The following WWOX variants were observed in gnomAD, a reference collection of about 807,000 sequenced individuals.
The protein encoded by WWOX is WW domain containing oxidoreductase.
Under a neutral mutation model 46.2 loss-of-function variants are expected in WWOX, and 69 were observed. That is an observed-to-expected ratio of 1.49 (90% confidence interval 1.23 to 1.82). The LOEUF is 1.82. Ranked by LOEUF, WWOX falls within the 40% of genes most tolerant of loss-of-function variation. WWOX has a pLI of 0.00. For missense variants in WWOX, 919 were observed against 542.6 expected, an observed-to-expected ratio of 1.69 and a Z score of -6.89; for synonymous variants, 359 against 202.6, an observed-to-expected ratio of 1.77 and a Z score of -6.56.
chr16:78,175,821 A>G (rs1366767026), intron 5 of WWOX, among the ~76,000 whole-genome samples: 1 of 152,226 alleles, frequency 6.6e-6, no homozygotes, highest in Non-Finnish European at 1.5e-5. Flanking sequence ...GTAGATAACT[A>G]TCACAGGATC....
chr16:78,493,716 G>A (rs909587285), intron 8 of WWOX, among the ~76,000 whole-genome samples: 2 of 152,016 alleles, frequency 1.3e-5, no homozygotes, highest in African/African-American at 2.4e-5. Flanking sequence ...TGGAACCCTC[G>A]CAACAGTCTT....
chr16:78,486,501 C>G (rs2084640739), intron 8 of WWOX, among the ~76,000 whole-genome samples: 1 of 152,178 alleles, frequency 6.6e-6, no homozygotes, highest in South Asian at 2.1e-4. Flanking sequence ...GCAGTGTGCT[C>G]TCTTAAGCCA....
chr16:78,438,584 G>C (rs1242540955), intron 8 of WWOX, among the ~76,000 whole-genome samples: 1 of 152,094 alleles, frequency 6.6e-6, no homozygotes, highest in Non-Finnish European at 1.5e-5. Flanking sequence ...TTGCCTCTTA[G>C]GAGTGTTTTG....
chr16:79,142,558 G>A (rs887633938), intron 8 of WWOX, among the ~76,000 whole-genome samples: 5 of 152,104 alleles, frequency 3.3e-5, no homozygotes, highest in Admixed American at 3.3e-4. Context: ...GATCTTAATT[G>A]TTATTAGAGA....
At chr16:78,790,930 G>A (rs986617212) in intron 8 of WWOX, among the ~76,000 whole-genome samples, 4 of 140,440 alleles carry the variant, frequency 2.8e-5, no homozygotes, top group Non-Finnish European at 4.5e-5. Context: ...GAGGTGGGAG[G>A]ATCACCTGAG....
At chr16:78,505,218 G>C (rs8064066) in intron 8 of WWOX, among the ~76,000 whole-genome samples, 138,852 of 152,238 alleles carry the variant, frequency 0.91, 63,761 homozygotes, top group Non-Finnish European at 0.97. Flanking sequence ...AATTCTAATC[G>C]TCAGCCTCTA....
rs1348582183 is a variant in WWOX, at chr16:78,432,618, C to T, written c.922C>T (p.His308Tyr). 5 of 1,614,096 alleles carry T rather than the reference C, an allele frequency of 3.1e-6. No individual in the cohort carries two copies. The highest frequency in any genetic ancestry group is 2.2e-5 in the East Asian group (1 of 44,898). Residue 308 changes from histidine (H) to tyrosine (Y), a missense_variant, in exon 8 of 9, where the codon CAC becomes TAC. Coordinates refer to ENST00000566780, the MANE Select transcript of WWOX (RefSeq NM_016373.4). Reference sequence around the variant, plus strand: ...CAACATCCTCTTCTCCAACGAGCTGCACCGTCGCCTCTCCCCACGCGGGGT... The same window carrying T: ...CAACATCCTCTTCTCCAACGAGCTGTACCGTCGCCTCTCCCCACGCGGGGT... ...LCNILFSNEL[H>Y]RRLSPRGVTS... is the part of the protein sequence containing the mutation.
rs139070402 is a variant in WWOX, at chr16:78,614,130, A to G, written c.1056+181378A>G. On this transcript the variant is annotated intron_variant, in intron 8 of 8. Coordinates refer to ENST00000566780, the MANE Select transcript of WWOX (RefSeq NM_016373.4). Reference sequence around the variant, plus strand: ...GTAATTAAGCACATGAATATCTCACATCAGAATGAATGAATATTCACACTC... The same window carrying G: ...GTAATTAAGCACATGAATATCTCACGTCAGAATGAATGAATATTCACACTC... 3.1e-3 allele frequency among the ~76,000 whole-genome samples: 472 copies of G among 152,348 alleles called. 3 individuals are homozygous for G. The highest frequency in any genetic ancestry group is 0.011 in the African/African-American group (449 of 41,592).
Position 78,653,528 on chromosome 16 carries a change from C to G in WWOX, c.1056+220776C>G, listed in dbSNP as rs145374784. 2.8e-3 allele frequency among the ~76,000 whole-genome samples: 424 copies of G among 152,298 alleles called. 2 individuals carry two copies. Among genetic ancestry groups the G allele is most frequent in the African/African-American group, 9.7e-3 (404 of 41,578 alleles). ...GGAGGGTGCTTATGAGGAAGGTTTC[C>G]TACTCCTAAAAGAGATACACAGGAA... On this transcript the variant is annotated intron_variant, in intron 8 of 8. Transcript: ENST00000566780.
intron 8 of WWOX, chr16:78,756,860 C>T (rs1198286786): frequency 2.4e-5 from 17 of 700,890 alleles, no homozygotes; most frequent in Non-Finnish European, 3.9e-5. Flanking sequence ...GTATTGCAGA[C>T]ATCAGAGCAT....
intron 8 of WWOX, chr16:78,899,453 T>C (rs540977679): frequency 6.6e-6 from 1 of 152,278 alleles, no homozygotes; most frequent in Non-Finnish European, 1.5e-5. Context: ...AACTGGAAAA[T>C]GTGTACGAAG....
chr16:79,017,398 C>G (rs974196682), intron 8 of WWOX: 6 of 125,802 alleles, frequency 4.8e-5, no homozygotes, highest in East Asian at 2.6e-4. Flanking sequence ...TCACTGCACT[C>G]CAGCCTGGGC....
chr16:78,326,047 A>G (rs2151887739), intron 5 of WWOX, among the ~76,000 whole-genome samples: 1 of 152,280 alleles, frequency 6.6e-6, no homozygotes, highest in South Asian at 2.1e-4. Flanking sequence ...TGTACCCTTA[A>G]GCAGAAGGGG....
chr16:79,124,595 G>C (rs1485028241), intron 8 of WWOX, among the ~76,000 whole-genome samples: 1 of 152,128 alleles, frequency 6.6e-6, no homozygotes, highest in Admixed American at 6.5e-5. Flanking sequence ...GCCATAGAAA[G>C]AAATGCCTTT....
In WWOX at chr16:78,248,444, T is replaced by C. The variant is rs146134186; in HGVS notation, c.516+84155T>C. ...CCACCTCCAACGTTAGGGATTACATTTGGACATGAAGGCTGGGTGCGGTGG... is the reference window on the plus strand; with the variant it reads ...CCACCTCCAACGTTAGGGATTACATCTGGACATGAAGGCTGGGTGCGGTGG... On this transcript the variant is annotated intron_variant, in intron 5 of 8. Coordinates refer to ENST00000566780, the MANE Select transcript of WWOX (RefSeq NM_016373.4). Among the ~76,000 whole-genome samples, 367 of 152,220 alleles carry C rather than the reference T, an allele frequency of 2.4e-3. 1 individual carries two copies. The highest frequency in any genetic ancestry group is 4.3e-3 in the Non-Finnish European group (292 of 68,002).
At chr16:79,070,114 T>G (rs1160249676) in intron 8 of WWOX, among the ~76,000 whole-genome samples, 11 of 152,174 alleles carry the variant, frequency 7.2e-5, no homozygotes, top group South Asian at 4.1e-4. Context: ...TTGGGCAAAT[T>G]GACTTGAAAG....
chr16:78,650,048 A>G (rs908649267), intron 8 of WWOX, among the ~76,000 whole-genome samples: 1 of 152,136 alleles, frequency 6.6e-6, no homozygotes, highest in Non-Finnish European at 1.5e-5. Context: ...ATTGTACTTT[A>G]TCTGTGTAAC....
At chr16:78,922,514 G>C (rs907219374) in intron 8 of WWOX, among the ~76,000 whole-genome samples, 1 of 151,944 alleles carries the variant, frequency 6.6e-6, no homozygotes, top group Non-Finnish European at 1.5e-5. Flanking sequence ...GAGTCACTGG[G>C]ATTACAGGCA....
intron 8 of WWOX, among the ~76,000 whole-genome samples, chr16:78,984,129 T>C (rs139222124): frequency 0.014 from 2,149 of 152,196 alleles, 21 homozygotes; most frequent in Non-Finnish European, 0.022. Flanking sequence ...CTGCCCGCCT[T>C]GGCCTCCCAA....
Sources: gnomAD v4.1 joint callset for allele counts (sites outside exome capture counted in the v4.1 genomes callset) on GRCh38, gnomAD v4.1.1 for gene constraint, MANE v1.5 for transcripts, NCBI Gene and HGNC (gene_info 2026-07-23, HGNC 2026-07-21) for gene names.